R3HDM2: variants seen among roughly 807,000 people sequenced by gnomAD.
R3HDM2 encodes R3H domain-containing protein 2.
A neutral mutation model predicts 124.5 loss-of-function variants in R3HDM2; 38 were observed. The ratio of observed to expected loss-of-function variants is 0.31; its 90% CI spans 0.24 to 0.40. The LOEUF is 0.40. Ranked by LOEUF, R3HDM2 falls within the 10% of genes least tolerant of loss-of-function variation. R3HDM2 has a pLI of 1.00. For missense variants in R3HDM2, 869 were observed against 1,236.9 expected, an observed-to-expected ratio of 0.70 and a Z score of 4.46; for synonymous variants, 391 against 448.0, an observed-to-expected ratio of 0.87 and a Z score of 1.61.
At chr12:57,350,287 T>C (rs971519559) in intron 2 of R3HDM2, among the ~76,000 whole-genome samples, 2 of 151,758 alleles carry the variant, frequency 1.3e-5, no homozygotes, top group African/African-American at 2.4e-5. Flanking sequence ...ATAACAACAA[T>C]AAAAAATGGG....
At chr12:57,283,605 G>T (rs1429662434) in intron 13 of R3HDM2, among the ~76,000 whole-genome samples, 1 of 152,114 alleles carries the variant, frequency 6.6e-6, no homozygotes, top group Non-Finnish European at 1.5e-5. Flanking sequence ...CAGGTGTGGT[G>T]GCGCATGCCT....
At chr12:57,308,975 A>G (rs1593068220) in intron 3 of R3HDM2, among the ~76,000 whole-genome samples, 1 of 152,240 alleles carries the variant, frequency 6.6e-6, no homozygotes, top group Non-Finnish European at 1.5e-5. Context: ...ATGGGCAGGG[A>G]ATGACAACTA....
intron 1 of R3HDM2, among the ~76,000 whole-genome samples, chr12:57,405,490 C>G (rs1299371497): frequency 6.6e-6 from 1 of 151,880 alleles, no homozygotes; most frequent in African/African-American, 2.4e-5. Flanking sequence ...CAAAAATTAG[C>G]TGGGCATGGT....
intron 1 of R3HDM2, among the ~76,000 whole-genome samples, chr12:57,428,952 G>A (rs1314391983): frequency 6.6e-6 from 1 of 151,940 alleles, no homozygotes; most frequent in Non-Finnish European, 1.5e-5. Context: ...CCACCATGTT[G>A]GCCAGGCTGG....
intron 1 of R3HDM2, among the ~76,000 whole-genome samples, chr12:57,414,866 G>A (rs1188512508): frequency 6.6e-6 from 1 of 151,750 alleles, no homozygotes; most frequent in Non-Finnish European, 1.5e-5. Context: ...AGAATGAGAA[G>A]CAATTTCTCT....
intron 2 of R3HDM2, among the ~76,000 whole-genome samples, chr12:57,368,722 C>T (rs562815474): frequency 6.6e-6 from 1 of 152,182 alleles, no homozygotes; most frequent in Non-Finnish European, 1.5e-5. Context: ...AGCTCAGCAT[C>T]TGAAACCCTC....
chr12:57,388,262 G>C (rs190442577), intron 2 of R3HDM2, among the ~76,000 whole-genome samples: 1 of 152,172 alleles, frequency 6.6e-6, no homozygotes, highest in Non-Finnish European at 1.5e-5. Context: ...ACCACACCTG[G>C]CCAAGACACA....
intron 2 of R3HDM2, among the ~76,000 whole-genome samples, chr12:57,390,975 G>A (rs1308041587): frequency 6.7e-6 from 1 of 149,826 alleles, no homozygotes; most frequent in Admixed American, 6.7e-5. Context: ...TCATGCCACT[G>A]CACTCCAGCC....
intron 1 of R3HDM2, among the ~76,000 whole-genome samples, chr12:57,402,965 G>T (rs569013456): frequency 6.6e-6 from 1 of 152,250 alleles, no homozygotes; most frequent in South Asian, 2.1e-4. Context: ...ATACATACTT[G>T]CCTTTTTTAT....
At chr12:57,360,648 GGGAAAGGAAAGA>G (rs2061815518) in intron 2 of R3HDM2, among the ~76,000 whole-genome samples, 1 of 150,008 alleles carries the variant, frequency 6.7e-6, no homozygotes, top group Non-Finnish European at 1.5e-5. Context: ...GGAAGGGAAG[GGGAAAGGAAAGA>G]GGAAAGGGAA....
At chr12:57,276,008 A>G (rs1053959162) in intron 14 of R3HDM2, among the ~76,000 whole-genome samples, 17 of 151,570 alleles carry the variant, frequency 1.1e-4, no homozygotes, top group South Asian at 6.3e-4. Context: ...ATGAGGTCAG[A>G]AGATCGAGAC....
Position 57,269,427 on chromosome 12 carries a change from G to C in R3HDM2, c.1610C>G (p.Pro537Arg), listed in dbSNP as rs140288231. 2 of 1,614,144 alleles carry C rather than the reference G, an allele frequency of 1.2e-6. No individual in the cohort carries two copies. Among genetic ancestry groups the C allele is most frequent in the Non-Finnish European group, 1.7e-6 (2 of 1,180,006 alleles). ...CTGGTTGGAGTTAGGATATTGTCCA[G>C]GGGGATAGTAAGAAACCTGGATCTA... ...PQQIQVSYYP[P>R]GQYPNSNQQY... Residue 537 changes from proline to arginine, a missense_variant, in exon 16 of 24, where the codon CCT (proline) becomes CGT (arginine). By Grantham distance (103) the Pro-to-Arg change is moderately radical. Around this residue, in one of 2 missense-constraint regions of R3HDM2, gnomAD observed 602 missense variants for 789.2 expected, o/e 0.76. Coordinates refer to ENST00000402412, the MANE Select transcript of R3HDM2 (RefSeq NM_001394031.1).
intron 2 of R3HDM2, chr12:57,341,109 C>A (rs11830804): frequency 0.24 from 36,047 of 152,068 alleles, 4,634 homozygotes; most frequent in South Asian, 0.43. Context: ...AATTCCAAAT[C>A]CAAAACTCAA....
intron 2 of R3HDM2, among the ~76,000 whole-genome samples, chr12:57,323,480 T>A (rs145716851): frequency 6.6e-6 from 1 of 152,102 alleles, no homozygotes; most frequent in African/African-American, 2.4e-5. Context: ...ATAACAATAA[T>A]AAAACAATAG....
intron 2 of R3HDM2, among the ~76,000 whole-genome samples, chr12:57,343,607 G>A (rs926183715): frequency 6.6e-6 from 1 of 151,964 alleles, no homozygotes. Context: ...TATAGCTATG[G>A]TCAAGGCATC....
chr12:57,278,485 C>A (rs901629233), intron 14 of R3HDM2, among the ~76,000 whole-genome samples: 8 of 151,686 alleles, frequency 5.3e-5, no homozygotes, highest in Non-Finnish European at 7.4e-5. Flanking sequence ...TTAAAATACA[C>A]ATTTTAGGGA....
chr12:57,254,317 A>G lies in R3HDM2; in HGVS notation c.*456T>C, dbSNP rs746835905. The G allele has an allele frequency of 3.3e-5, 14 of 428,894 alleles. No homozygotes were observed. Among genetic ancestry groups the G allele is most frequent in the South Asian group, 2.4e-4 (14 of 59,534 alleles). The allele number at this position is 428,894 out of a possible 1,614,324, so 26.6% of individuals were successfully genotyped here. On this transcript the variant is annotated 3_prime_UTR_variant, in exon 24 of 24. Coordinates refer to ENST00000402412, the MANE Select transcript of R3HDM2 (RefSeq NM_001394031.1). Reference sequence around the variant, plus strand: ...GGAGTTTGAGGCCAGCCTGGCCAACATGGTGAAACTCCGTCTCTACTAAAA... The same window carrying G: ...GGAGTTTGAGGCCAGCCTGGCCAACGTGGTGAAACTCCGTCTCTACTAAAA...
chr12:57,325,673 T>G (rs912269679), intron 2 of R3HDM2, among the ~76,000 whole-genome samples: 3 of 151,688 alleles, frequency 2.0e-5, no homozygotes, highest in Non-Finnish European at 4.4e-5. Flanking sequence ...GCCTCCCAAA[T>G]TGCTGGAACC....
intron 23 of R3HDM2, 93 bp from the exon 24 acceptor site, chr12:57,255,206 T>C: frequency 9.4e-7 from 1 of 1,062,586 alleles, no homozygotes; most frequent in South Asian, 1.6e-5. Flanking sequence ...GCTGACTAAG[T>C]CTGTATACAA....
Sources: allele counts gnomAD v4.1 joint callset (sites outside exome capture counted in the v4.1 genomes callset), GRCh38; gene constraint gnomAD v4.1.1; regional missense constraint gnomAD v4.1.1; transcripts MANE v1.5; gene names NCBI Gene and HGNC (gene_info 2026-07-23, HGNC 2026-07-21).